ZNF69: variants seen among roughly 807,000 people sequenced by gnomAD.
The protein encoded by ZNF69 is zinc finger protein 69.
A neutral mutation model predicts 50.9 loss-of-function variants in ZNF69; 47 were observed. The ratio of observed to expected loss-of-function variants is 0.92; its 90% CI spans 0.73 to 1.18. The LOEUF is 1.18. Ranked by LOEUF, ZNF69 falls within the 50% of genes most tolerant of loss-of-function variation. The probability of loss-of-function intolerance (pLI) is 0.00; values close to 1 mark genes in which losing one functional copy is unlikely to be tolerated. For synonymous variants in ZNF69, 216 were observed against 223.1 expected, an observed-to-expected ratio of 0.97 and a Z score of 0.29; for missense variants, 717 against 675.1, an observed-to-expected ratio of 1.06 and a Z score of -0.69.
chr19:11,966,856 A>G, the ZNF69 span, among the ~76,000 whole-genome samples: 2 of 152,152 alleles, frequency 1.3e-5, no homozygotes, highest in African/African-American at 4.8e-5. Context: ...GAAAGATAGC[A>G]ATGGCCCAAA....
At chr19:11,965,683 G>A in the ZNF69 span, among the ~76,000 whole-genome samples, 2 of 152,294 alleles carry the variant, frequency 1.3e-5, no homozygotes, top group Admixed American at 6.5e-5. Flanking sequence ...CCCAGTCCTG[G>A]CTTGTGGTTT....
chr19:11,951,992 T>C, the ZNF69 span, among the ~76,000 whole-genome samples: 1 of 152,114 alleles, frequency 6.6e-6, no homozygotes, highest in Non-Finnish European at 1.5e-5. Context: ...CTGACCAATA[T>C]GATGAAACCC....
the ZNF69 span, among the ~76,000 whole-genome samples, chr19:11,942,216 G>A: frequency 1.3e-5 from 2 of 150,588 alleles, no homozygotes; most frequent in Non-Finnish European, 3.0e-5. Flanking sequence ...GTGGTCCCTG[G>A]GGGTGTGGGC....
In ZNF69 at chr19:11,905,135, A is replaced by G; in HGVS notation, c.738A>G (p.Lys246=). 1.2e-6 allele frequency: 2 copies of G among 1,614,180 alleles called. No homozygotes were observed. Among genetic ancestry groups the G allele is most frequent in the South Asian group, 2.2e-5 (2 of 91,082 alleles). The change falls in exon 4 of 4, where the codon AAA becomes AAG. Residue 246 remains lysine, a synonymous_variant. Coordinates refer to ENST00000429654, the MANE Select transcript of ZNF69 (RefSeq NM_001364730.1). ...ATGAAAGAATTCACACTGGAGAGAA[A>G]CCATATGAATGTAAACAATGTGGTA... is the stretch of plus-strand genomic sequence containing the variant. ...LIHERIHTGE[K]PYECKQCGKS...
chr19:11,976,417 A>C, the ZNF69 span, among the ~76,000 whole-genome samples: 1 of 151,888 alleles, frequency 6.6e-6, no homozygotes, highest in Non-Finnish European at 1.5e-5. Flanking sequence ...CCAGCCGAGC[A>C]TGGTGGCACA....
the ZNF69 span, among the ~76,000 whole-genome samples, chr19:11,932,635 ATTT>A: frequency 0.096 from 11,224 of 116,658 alleles, 1,389 homozygotes; most frequent in African/African-American, 0.28. Flanking sequence ...CCAATATGTG[ATTT>A]TTTTTTTTTT....
the ZNF69 span, chr19:11,947,238 C>T: frequency 6.2e-7 from 1 of 1,614,012 alleles, no homozygotes. Context: ...GTGGACATTG[C>T]TGGATATTTC....
the ZNF69 span, among the ~76,000 whole-genome samples, chr19:11,933,504 C>T: frequency 6.8e-6 from 1 of 147,822 alleles, no homozygotes; most frequent in African/African-American, 2.7e-5. Flanking sequence ...ATCCCCTGTG[C>T]TCTTCCTAAT....
the ZNF69 span, chr19:11,977,184 T>G: frequency 1.2e-6 from 2 of 1,613,684 alleles, no homozygotes; most frequent in Non-Finnish European, 8.5e-7. Flanking sequence ...ACAATATTCC[T>G]TCCCTCAGTC....
chr19:11,971,388 A>G, the ZNF69 span, among the ~76,000 whole-genome samples: 1 of 152,174 alleles, frequency 6.6e-6, no homozygotes, highest in African/African-American at 2.4e-5. Flanking sequence ...TCAACTTCTA[A>G]TACTATAGTG....
chr19:11,928,548 C>T, the ZNF69 span, among the ~76,000 whole-genome samples: 24 of 148,760 alleles, frequency 1.6e-4, no homozygotes, highest in South Asian at 3.6e-3. Flanking sequence ...CCGGCTAAAA[C>T]GGTGAAACCC....
the ZNF69 span, among the ~76,000 whole-genome samples, chr19:11,934,511 CT>C: frequency 8.0e-4 from 118 of 147,670 alleles, 17 homozygotes; most frequent in African/African-American, 2.8e-3. Flanking sequence ...TCTTTTTTTT[CT>C]TTTTTTCTTT....
chr19:11,905,109 C>T lies in ZNF69; in HGVS notation c.712C>T (p.His238Tyr). The T allele has an allele frequency of 6.2e-7, 1 of 1,614,134 alleles. No homozygotes were observed. The highest frequency in any genetic ancestry group is 8.5e-7 in the Non-Finnish European group (1 of 1,180,016). Reference protein sequence around the residue: ...AFHCLSLYLIHERIHTGEKPY... With the variant: ...AFHCLSLYLIYERIHTGEKPY... ...CCATTGTCTCAGTTTATATCTTATC[C>T]ATGAAAGAATTCACACTGGAGAGAA... Residue 238 changes from histidine (H) to tyrosine (Y), a missense_variant, in exon 4 of 4, where the codon CAT becomes TAT. Coordinates refer to ENST00000429654, the MANE Select transcript of ZNF69 (RefSeq NM_001364730.1).
At chr19:11,895,023 G>A (rs958246947) in intron 1 of ZNF69, among the ~76,000 whole-genome samples, 2 of 152,216 alleles carry the variant, frequency 1.3e-5, no homozygotes, top group South Asian at 2.1e-4. Context: ...GGATGGGGGT[G>A]GAGAGATGTC....
chr19:11,905,303 G>A lies in ZNF69; in HGVS notation c.906G>A (p.Lys302=), dbSNP rs749203745. 9.3e-6 allele frequency: 15 copies of A among 1,613,756 alleles called. No homozygotes were observed. The highest frequency in any genetic ancestry group is 1.1e-5 in the Non-Finnish European group (13 of 1,179,936). The change falls in exon 4 of 4, where the codon AAG becomes AAA. Residue 302 remains lysine, a synonymous_variant. Coordinates refer to ENST00000429654, the MANE Select transcript of ZNF69 (RefSeq NM_001364730.1). ...ATGAAAGGATTCACACGGGAGAGAA[G>A]GCTTATCAATGTAAGGAATGTGGAA... ...RRHERIHTGE[K]AYQCKECGKA...
chr19:11,950,714 C>A, the ZNF69 span: 3 of 208,422 alleles, frequency 1.4e-5, no homozygotes, highest in African/African-American at 2.4e-5. Flanking sequence ...ACATGTTATT[C>A]TTTTTAAATA....
At chr19:11,898,577 G>C (rs1972178304) in intron 1 of ZNF69, among the ~76,000 whole-genome samples, 1 of 151,992 alleles carries the variant, frequency 6.6e-6, no homozygotes, top group Non-Finnish European at 1.5e-5. Flanking sequence ...TTTTAGTAGA[G>C]AGAGGGTTTC....
Position 11,906,188 on chromosome 19 carries a change from C to G in ZNF69, c.*90C>G. ...CATGAATGTAAAGAATGTGGGAAAC[C>G]CTTCAGGTCTGCCCAGAACCTTCGA... is the stretch of plus-strand genomic sequence containing the variant. On this transcript the variant is annotated 3_prime_UTR_variant, in exon 4 of 4. Transcript: ENST00000429654. 3.9e-6 allele frequency: 6 copies of G among 1,556,836 alleles called. No individual in the cohort carries two copies. The highest frequency in any genetic ancestry group is 5.2e-6 in the Non-Finnish European group (6 of 1,158,980).
intron 1 of ZNF69, among the ~76,000 whole-genome samples, chr19:11,895,428 C>T (rs1001934898): frequency 6.6e-6 from 1 of 152,194 alleles, no homozygotes; most frequent in Non-Finnish European, 1.5e-5. Flanking sequence ...AAGGAGACGT[C>T]GCTCAGGGAG....
Sources: gnomAD v4.1 joint callset for allele counts (sites outside exome capture counted in the v4.1 genomes callset) on GRCh38, gnomAD v4.1.1 for gene constraint, MANE v1.5 for transcripts, NCBI Gene and HGNC (gene_info 2026-07-23, HGNC 2026-07-21) for gene names.